KLF5: variants seen among roughly 807,000 people sequenced by gnomAD.
KLF5 encodes the protein Krueppel-like factor 5.
A neutral mutation model predicts 36.9 loss-of-function variants in KLF5; 9 were observed. The ratio of observed to expected loss-of-function variants is 0.24; its 90% confidence interval spans 0.15 to 0.43. The LOEUF (loss-of-function observed/expected upper bound fraction) is 0.43, where lower values mean the gene tolerates loss of function less well. KLF5 is among the 20% of genes least tolerant of loss of function. The pLI is 1.00. For synonymous variants in KLF5, 246 were observed against 241.7 expected (o/e 1.02, Z -0.17); for missense variants, 524 against 599.5 (o/e 0.87, Z 1.31).
At chr13:73,068,856 G>C (rs1238135843) in intron 3 of KLF5, among the ~76,000 whole-genome samples, 1 of 152,012 alleles carries the variant, frequency 6.6e-6, no homozygotes, top group East Asian at 1.9e-4. Context: ...AGCTCTTTGG[G>C]AGGCGGAGGC....
At chr13:73,068,703 CAAAAAAAA>C (rs59878653) in intron 3 of KLF5, among the ~76,000 whole-genome samples, 4 of 93,220 alleles carry the variant, frequency 4.3e-5, no homozygotes, top group South Asian at 4.1e-4. Context: ...GACTCCATCT[CAAAAAAAA>C]AAAAAAAAAA....
chr13:73,058,721 C>A (rs1423749703), upstream of KLF5: 2 of 152,500 alleles, frequency 1.3e-5, no homozygotes, highest in African/African-American at 4.8e-5. Context: ...CCAGATTCCA[C>A]CCGCTCCGCT....
chr13:73,064,115 C>G (rs868353120), intron 3 of KLF5, among the ~76,000 whole-genome samples: 1 of 151,806 alleles, frequency 6.6e-6, no homozygotes, highest in Non-Finnish European at 1.5e-5. Context: ...GCCCTGTCAC[C>G]GCTCAGAGTT....
intron 2 of KLF5, among the ~76,000 whole-genome samples, chr13:73,063,457 T>G (rs1444857198): frequency 6.6e-6 from 1 of 152,136 alleles, no homozygotes; most frequent in Non-Finnish European, 1.5e-5. Context: ...TACAGAAAAT[T>G]ACAGTCATCT....
At chr13:73,063,982 AC>A in intron 3 of KLF5, 99 bp downstream of exon 3, 2 of 477,642 alleles carry the variant, frequency 4.2e-6, no homozygotes, top group Non-Finnish European at 7.0e-6. Context: ...TCTCCTGTCA[AC>A]TTTGTTTTTT....
At chr13:73,058,570 G>A (rs1004217182), upstream of KLF5, among the ~76,000 whole-genome samples, 24 of 152,218 alleles carry the variant, frequency 1.6e-4, no homozygotes, top group Non-Finnish European at 1.5e-5. Flanking sequence ...CCCCTACCTA[G>A]CTGCCTTCTG....
chr13:73,062,511 A>G lies in KLF5; in HGVS notation c.912A>G (p.Pro304=). The change falls in exon 2 of 4, where the codon CCA becomes CCG. Residue 304 remains proline (P), a synonymous_variant. Transcript: ENST00000377687. ...AGGCCACTTACTTTCCCCCGTCACCACCAAGCTCAGAGCCTGGAAGTCCAG... is the reference window on the plus strand; with the variant it reads ...AGGCCACTTACTTTCCCCCGTCACCGCCAAGCTCAGAGCCTGGAAGTCCAG... ...PQQATYFPPS[P]PSSEPGSPDR... is the part of the protein sequence containing the mutation. 6.2e-7 allele frequency: 1 copy of G among 1,614,078 alleles called. No homozygotes were observed.
In KLF5 at chr13:73,062,320, A is replaced by T; in HGVS notation, c.721A>T (p.Ser241Cys). ...GAATACACCGGATCTAGATATGCCC[A>T]GTTCTACAAATCAGACAGCAGCAAT... The part of the protein sequence containing the change: ...LLNTPDLDMP[S>C]STNQTAAMDT... The change falls in exon 2 of 4, where the codon AGT becomes TGT. Residue 241 changes from serine (S) to cysteine (C), a missense_variant. Physicochemically the swap from Ser to Cys is moderately radical, Grantham distance 112 (BLOSUM62 -1). This residue lies in a region of KLF5 where 454 missense variants were observed against 458.1 expected (regional missense o/e 0.99). Coordinates refer to ENST00000377687, the MANE Select transcript of KLF5 (RefSeq NM_001730.5). 6.2e-7 allele frequency: 1 copy of T among 1,614,180 alleles called. No homozygotes were observed. Among genetic ancestry groups the T allele is most frequent in the South Asian group, 1.1e-5 (1 of 91,084 alleles).
Position 73,062,472 on chromosome 13 carries a change from G to A in KLF5, c.873G>A (p.Gln291=). ...CTTGCACATACACAATGCCAAGTCA[G>A]TTTCTTCCACAACAGGCCACTTACT... ...MPPCTYTMPS[Q]FLPQQATYFP... The change falls in exon 2 of 4, where the codon CAG becomes CAA. Residue 291 remains glutamine, a synonymous_variant. Coordinates refer to ENST00000377687, the MANE Select transcript of KLF5 (RefSeq NM_001730.5). 6.2e-7 allele frequency: 1 copy of A among 1,614,184 alleles called. No homozygotes were observed. The highest frequency in any genetic ancestry group is 8.5e-7 in the Non-Finnish European group (1 of 1,180,028).
chr13:73,062,483 A>G lies in KLF5; in HGVS notation c.884A>G (p.Gln295Arg). 2 of 1,614,152 alleles carry G rather than the reference A, an allele frequency of 1.2e-6. No individual in the cohort carries two copies. The highest frequency in any genetic ancestry group is 1.7e-6 in the Non-Finnish European group (2 of 1,180,026). Residue 295 changes from glutamine (Q) to arginine (R), a missense_variant, in exon 2 of 4, where the codon CAA (glutamine) becomes CGA (arginine). Transcript: ENST00000377687. The part of the protein sequence containing the change: ...TYTMPSQFLP[Q>R]QATYFPPSPP... ...ACAATGCCAAGTCAGTTTCTTCCAC[A>G]ACAGGCCACTTACTTTCCCCCGTCA...
intron 3 of KLF5, among the ~76,000 whole-genome samples, chr13:73,070,346 T>C (rs1450196294): frequency 3.3e-5 from 5 of 152,246 alleles, no homozygotes; most frequent in African/African-American, 4.8e-5. Context: ...AGGATTTTTC[T>C]GTTTTGCTTA....
At chr13:73,063,961 G>A in intron 3 of KLF5, 78 bp downstream of exon 3, 2 of 650,818 alleles carry the variant, frequency 3.1e-6, no homozygotes, top group South Asian at 2.1e-5. Context: ...GCTAACACGT[G>A]TTTGATCTCT....
At position 73,059,032 on chromosome 13, in the gene KLF5, G is replaced by C. The variant is rs1238447131; in HGVS notation, c.-296G>C. 1 of 282,190 alleles carries C rather than the reference G, an allele frequency of 3.5e-6. No homozygotes were observed. The highest frequency in any genetic ancestry group is 1.5e-4 in the South Asian group (1 of 6,632). The allele number at this position is 282,190 out of a possible 1,614,324, so 17.5% of individuals were successfully genotyped here. ...TCGCGGGGCAGGTACGTGCGCTCGCGGTTCTCTCGCGGAGGTCGGCGGTGG... is the reference window on the plus strand; with the variant it reads ...TCGCGGGGCAGGTACGTGCGCTCGCCGTTCTCTCGCGGAGGTCGGCGGTGG... On this transcript the variant is annotated 5_prime_UTR_variant, in exon 1 of 4. Coordinates refer to ENST00000377687, the MANE Select transcript of KLF5 (RefSeq NM_001730.5).
chr13:73,058,869 T>G (rs2044603663), upstream of KLF5: 1 of 153,274 alleles, frequency 6.5e-6, no homozygotes, highest in Admixed American at 6.5e-5. Context: ...TGGCTGCCTC[T>G]CTCCCTGCTC....
upstream of KLF5, among the ~76,000 whole-genome samples, chr13:73,057,109 TA>T (rs2044588076): frequency 6.6e-6 from 1 of 152,168 alleles, no homozygotes; most frequent in African/African-American, 2.4e-5. Context: ...TAGATAGGTT[TA>T]AAAGCACATT....
rs569482448 is a variant in KLF5, at chr13:73,068,717, A to C, written c.1195+4834A>C. The stretch of plus-strand genomic sequence containing the variant: ...AGACTCCATCTCAAAAAAAAAAAAA[A>C]AAAAAAAAATTCCTTTCTAGGTCTT... On this transcript the variant is annotated intron_variant, in intron 3 of 3. Transcript: ENST00000377687. 3.6e-3 allele frequency among the ~76,000 whole-genome samples: 541 copies of C among 152,076 alleles called. 2 individuals are homozygous for C. The highest frequency in any genetic ancestry group is 0.012 in the African/African-American group (486 of 41,468).
At chr13:73,057,740 TC>T (rs2139097912), upstream of KLF5, among the ~76,000 whole-genome samples, 1 of 152,358 alleles carries the variant, frequency 6.6e-6, no homozygotes, top group South Asian at 2.1e-4. Context: ...TGTAAAACTG[TC>T]TAATGGTATA....
At position 73,062,793 on chromosome 13, in the gene KLF5, G is replaced by C. The variant is rs201770747; in HGVS notation, c.1135+59G>C. ...ATGTAGTGTGTGTGTGTGTGTGTCT[G>C]TGTGCGCGCGCGTGTGCGTGTGTGC... On this transcript the variant is annotated intron_variant, in intron 2 of 3. Transcript: ENST00000377687. 5.7e-5 allele frequency: 79 copies of C among 1,392,664 alleles called. No individual in the cohort carries two copies. The African/African-American group carries it at 8.2e-4, about 14-fold the overall frequency. The allele number at this position is 1,392,664 out of a possible 1,614,324, so 86.3% of individuals were successfully genotyped here.
chr13:73,064,368 T>C (rs1489303871), intron 3 of KLF5, among the ~76,000 whole-genome samples: 1 of 152,206 alleles, frequency 6.6e-6, no homozygotes, highest in Non-Finnish European at 1.5e-5. Context: ...CTGTGCTTGA[T>C]GAAAGGTAGT....
Sources: allele counts gnomAD v4.1 joint callset (sites outside exome capture counted in the v4.1 genomes callset), GRCh38; gene constraint gnomAD v4.1.1; regional missense constraint gnomAD v4.1.1; transcripts MANE v1.5; gene names NCBI Gene and HGNC (gene_info 2026-07-23, HGNC 2026-07-21).